The following ANKRD27 variants were observed in gnomAD, a reference collection of about 807,000 sequenced individuals.
The protein encoded by ANKRD27 is ankyrin repeat domain 27, also known as ankyrin repeat domain-containing protein 27.
ANKRD27 carries 112 observed loss-of-function variants against 129.7 expected under a neutral mutation model. That is an observed-to-expected ratio of 0.86 (90% confidence interval 0.74 to 1.01). ANKRD27 has a LOEUF of 1.01. Ranked by LOEUF, ANKRD27 falls within the 50% of genes least tolerant of loss-of-function variation. The pLI is 0.00. For missense variants in ANKRD27, 1,258 were observed against 1,300.5 expected, an observed-to-expected ratio of 0.97 and a Z score of 0.50; for synonymous variants, 516 against 511.2, an observed-to-expected ratio of 1.01 and a Z score of -0.13.
chr19:32,625,126 C>T (rs1422375480), intron 17 of ANKRD27, among the ~76,000 whole-genome samples: 1 of 151,388 alleles, frequency 6.6e-6, no homozygotes, highest in Non-Finnish European at 1.5e-5. Context: ...TGTGGTGGCA[C>T]ACACCTGTAA....
chr19:32,607,945 C>T (rs948165645), intron 22 of ANKRD27, 113 bp from the exon 23 acceptor site: 36 of 1,094,546 alleles, frequency 3.3e-5, no homozygotes, highest in Non-Finnish European at 3.9e-5. Flanking sequence ...GGGATCATGG[C>T]GGGATCCAGG....
At position 32,659,044 on chromosome 19, in the gene ANKRD27, T is replaced by A; in HGVS notation, c.-29A>T. 6.5e-7 allele frequency: 1 copy of A among 1,530,498 alleles called. No homozygotes were observed. The highest frequency in any genetic ancestry group is 9.1e-7 in the Non-Finnish European group (1 of 1,104,118). The allele number at this position is 1,530,498 out of a possible 1,614,324, so 94.8% of individuals were successfully genotyped here. A position where few individuals can be genotyped will look rare whatever the true frequency, so the allele number is the denominator to read the frequency against. On this transcript the variant is annotated splice_region_variant and 5_prime_UTR_variant, in exon 2 of 29. Transcript: ENST00000306065. Reference sequence around the variant, plus strand: ...GACTTCAGATGGGTCAGAGCAAATCTCCTGCAATAAGGGAGGGAAAAGCAG... The same window carrying A: ...GACTTCAGATGGGTCAGAGCAAATCACCTGCAATAAGGGAGGGAAAAGCAG...
chr19:32,599,713 AGAACCTTC>A lies in ANKRD27; in HGVS notation c.2902_2909del (p.Glu968PhefsTer3). ...GTGTTTAATAACTTACCTCATGCAAAGAACCTTCGGTTAAATTAGGGACACTTCTATCT... is the reference window on the plus strand; with the variant it reads ...GTGTTTAATAACTTACCTCATGCAAAGGTTAAATTAGGGACACTTCTATCT... On this transcript the variant is annotated frameshift_variant, in exon 28 of 29. Coordinates refer to ENST00000306065, the MANE Select transcript of ANKRD27 (RefSeq NM_032139.3). LOFTEE classifies it low-confidence loss of function (END_TRUNC). 6.2e-7 allele frequency: 1 copy of A among 1,612,892 alleles called. No homozygotes were observed. The highest frequency in any genetic ancestry group is 8.5e-7 in the Non-Finnish European group (1 of 1,179,726).
intron 12 of ANKRD27, among the ~76,000 whole-genome samples, chr19:32,636,806 G>A (rs964224941): frequency 6.6e-6 from 1 of 151,414 alleles, no homozygotes; most frequent in African/African-American, 2.4e-5. Flanking sequence ...AGAGTGCAGT[G>A]GTGTAACCTC....
rs12459379 is a variant in ANKRD27, at chr19:32,627,453, C to T, written c.1421-626G>A. On this transcript the variant is annotated intron_variant, in intron 15 of 28. Transcript: ENST00000306065. ...TCACTCAGCCACCCAGGCTGGAGTG[C>T]GGTGGTGCTATCTCAGCTCACTACA... is the stretch of plus-strand genomic sequence containing the variant. Among the ~76,000 whole-genome samples, 2,552 of 148,818 alleles carry T rather than the reference C, an allele frequency of 0.017. 153 individuals are homozygous for T. In the East Asian group the frequency reaches 0.22, roughly 13 times the overall value.
Position 32,619,294 on chromosome 19 carries a change from G to C in ANKRD27, c.1973C>G (p.Ser658Ter). 6.2e-7 allele frequency: 1 copy of C among 1,613,832 alleles called. No individual in the cohort carries two copies. Among genetic ancestry groups the C allele is most frequent in the Non-Finnish European group, 8.5e-7 (1 of 1,179,956 alleles). Reference protein sequence around the residue: ...TSSFSSMSASSRQEETKKDYR... With the variant: ...TSSFSSMSAS The stretch of plus-strand genomic sequence containing the variant: ...GTCCTTCTTGGTCTCCTCCTGCCTT[G>C]AGCTGGCTGACATGGAGGAGAAGCT... The change falls in exon 20 of 29, where the codon TCA becomes TGA. Residue 658 changes from serine to a stop codon, truncating the protein, a stop_gained. Coordinates refer to ENST00000306065, the MANE Select transcript of ANKRD27 (RefSeq NM_032139.3). LOFTEE classifies it high-confidence loss of function.
chr19:32,663,553 C>T (rs1242527456), intron 1 of ANKRD27, among the ~76,000 whole-genome samples: 1 of 152,110 alleles, frequency 6.6e-6, no homozygotes, highest in Non-Finnish European at 1.5e-5. Flanking sequence ...GTAAGCCAAT[C>T]GTCCCATCAT....
chr19:32,660,729 A>ATTC (rs1201804431), intron 1 of ANKRD27, among the ~76,000 whole-genome samples: 1 of 108,450 alleles, frequency 9.2e-6, no homozygotes, highest in Non-Finnish European at 2.6e-5. Context: ...ATGGGCTGAG[A>ATTC]TAGTCTATGA....
intron 22 of ANKRD27, chr19:32,608,504 CT>C: frequency 4.5e-6 from 1 of 223,278 alleles, no homozygotes; most frequent in South Asian, 4.5e-5. Flanking sequence ...AATGTTACCT[CT>C]TTAAAAAAAA....
intron 1 of ANKRD27, among the ~76,000 whole-genome samples, chr19:32,659,519 A>T (rs532028665): frequency 1.3e-5 from 2 of 152,340 alleles, no homozygotes; most frequent in South Asian, 2.1e-4. Context: ...TTTATTGGCT[A>T]ACGTGTAAAT....
chr19:32,612,586 C>T (rs1036851501), intron 22 of ANKRD27, among the ~76,000 whole-genome samples: 8 of 152,036 alleles, frequency 5.3e-5, no homozygotes, highest in African/African-American at 7.3e-5. Context: ...ATCAAGACAG[C>T]GCGGTACTGG....
chr19:32,670,031 C>T (rs1967837937), intron 1 of ANKRD27, among the ~76,000 whole-genome samples: 2 of 150,624 alleles, frequency 1.3e-5, no homozygotes, highest in African/African-American at 4.9e-5. Context: ...AAAAAAACGG[C>T]AGGGAAGGGG....
At chr19:32,664,425 C>A (rs1370729283) in intron 1 of ANKRD27, among the ~76,000 whole-genome samples, 1 of 151,118 alleles carries the variant, frequency 6.6e-6, no homozygotes, top group Admixed American at 6.6e-5. Context: ...GAGTTCAAGA[C>A]CCTGGCCAAC....
chr19:32,667,814 A>T (rs1173940535), intron 1 of ANKRD27, among the ~76,000 whole-genome samples: 1 of 144,862 alleles, frequency 6.9e-6, no homozygotes, highest in Non-Finnish European at 1.5e-5. Flanking sequence ...CCTGGGCGAC[A>T]AGAGTGAAAC....
chr19:32,609,881 A>G (rs1971808387), intron 22 of ANKRD27, among the ~76,000 whole-genome samples: 1 of 151,970 alleles, frequency 6.6e-6, no homozygotes, highest in Non-Finnish European at 1.5e-5. Context: ...ACAAATTCTA[A>G]AACACCACTG....
At chr19:32,598,948 C>T (rs1449458092) in intron 28 of ANKRD27, among the ~76,000 whole-genome samples, 5 of 152,098 alleles carry the variant, frequency 3.3e-5, no homozygotes, top group Non-Finnish European at 5.9e-5. Flanking sequence ...TCACTGTCTC[C>T]GATCACAGGT....
intron 4 of ANKRD27, among the ~76,000 whole-genome samples, chr19:32,645,450 G>GT (rs1967283984): frequency 6.6e-6 from 1 of 151,530 alleles, no homozygotes; most frequent in South Asian, 2.1e-4. Context: ...TTATTTTATT[G>GT]TTTTTGGAGA....
intron 21 of ANKRD27, among the ~76,000 whole-genome samples, chr19:32,616,186 A>C (rs1462136791): frequency 6.6e-6 from 1 of 152,066 alleles, no homozygotes; most frequent in East Asian, 1.9e-4. Context: ...GCAACAGAGC[A>C]AAACTCTCAA....
Position 32,604,376 on chromosome 19 carries a change from G to A in ANKRD27, c.2542C>T (p.His848Tyr), listed in dbSNP as rs761632069. 1.9e-6 allele frequency: 3 copies of A among 1,613,920 alleles called. No individual in the cohort carries two copies. The highest frequency in any genetic ancestry group is 2.5e-6 in the Non-Finnish European group (3 of 1,179,892). The change falls in exon 25 of 29, where the codon CAC becomes TAC. Residue 848 changes from histidine (H) to tyrosine (Y), a missense_variant. His to Tyr is a moderately conservative substitution (Grantham distance 83). Transcript: ENST00000306065. ...ACGTGCTTTTCAATCACAGCCTCGT[G>A]CAGCGCTGTGTTGCCCTTATTGTTA... Reference protein sequence around the residue: ...ASNNKGNTALHEAVIEKHVFV... With the variant: ...ASNNKGNTALYEAVIEKHVFV...
Sources: allele counts gnomAD v4.1 joint callset (sites outside exome capture counted in the v4.1 genomes callset), GRCh38; gene constraint gnomAD v4.1.1; transcripts MANE v1.5; gene names NCBI Gene and HGNC (gene_info 2026-07-23, HGNC 2026-07-21).